RAB2A: variants seen among roughly 807,000 people sequenced by gnomAD.
RAB2A encodes the protein ras-related protein Rab-2A.
A neutral mutation model predicts 32.5 loss-of-function variants in RAB2A; 7 were observed. That is an observed-to-expected ratio of 0.22 (90% CI 0.12 to 0.40). The LOEUF (loss-of-function observed/expected upper bound fraction) is 0.40, where lower values mean the gene tolerates loss of function less well. Ranked by LOEUF, RAB2A falls within the 10% of genes least tolerant of loss-of-function variation. The pLI is 1.00. For synonymous variants in RAB2A, 79 were observed against 85.2 expected, an observed-to-expected ratio of 0.93 and a Z score of 0.40; for missense variants, 108 against 260.7, an observed-to-expected ratio of 0.41 and a Z score of 4.03.
intron 6 of RAB2A, among the ~76,000 whole-genome samples, chr8:60,596,186 A>T (rs1025334549): frequency 4.6e-5 from 7 of 152,274 alleles, no homozygotes; most frequent in Admixed American, 4.6e-4. Context: ...ACCTAAAACC[A>T]TAAAAACCCT....
intron 1 of RAB2A, among the ~76,000 whole-genome samples, chr8:60,520,037 G>T (rs1396964282): frequency 6.6e-6 from 1 of 152,154 alleles, no homozygotes. Context: ...TCAAAAACAT[G>T]CATCTTAGAA....
chr8:60,601,084 T>C (rs966427465), intron 6 of RAB2A, among the ~76,000 whole-genome samples: 4 of 152,230 alleles, frequency 2.6e-5, no homozygotes, highest in Non-Finnish European at 5.9e-5. Flanking sequence ...GTTTTAAAAA[T>C]GAGAATTCAT....
At chr8:60,608,388 A>G (rs1804272082) in intron 6 of RAB2A, among the ~76,000 whole-genome samples, 1 of 152,012 alleles carries the variant, frequency 6.6e-6, no homozygotes, top group South Asian at 2.1e-4. Flanking sequence ...ACTCTTCAGT[A>G]AACTTCTTTC....
At chr8:60,572,354 C>T (rs1216540223) in intron 3 of RAB2A, among the ~76,000 whole-genome samples, 2 of 151,916 alleles carry the variant, frequency 1.3e-5, no homozygotes, top group African/African-American at 4.8e-5. Flanking sequence ...GTTATGTGGT[C>T]TAAATTGAAA....
At chr8:60,524,748 A>G (rs935693889) in intron 1 of RAB2A, among the ~76,000 whole-genome samples, 6 of 152,218 alleles carry the variant, frequency 3.9e-5, no homozygotes, top group Non-Finnish European at 8.8e-5. Flanking sequence ...ATTTTTAAAA[A>G]GTATTGTTTG....
chr8:60,525,100 T>G (rs983031604), intron 1 of RAB2A, among the ~76,000 whole-genome samples: 1 of 152,236 alleles, frequency 6.6e-6, no homozygotes, highest in African/African-American at 2.4e-5. Flanking sequence ...GCAAATTATC[T>G]TAGTAGATGG....
chr8:60,548,763 G>C (rs1331487486), intron 1 of RAB2A, among the ~76,000 whole-genome samples: 1 of 143,604 alleles, frequency 7.0e-6, no homozygotes. Context: ...CTGGCCGGGC[G>C]GGGGGCTGAT....
intron 5 of RAB2A, among the ~76,000 whole-genome samples, chr8:60,587,980 T>G (rs1193585611): frequency 1.3e-5 from 2 of 152,212 alleles, no homozygotes; most frequent in African/African-American, 4.8e-5. Flanking sequence ...GATGGGAACG[T>G]AAAATGATAC....
intron 5 of RAB2A, among the ~76,000 whole-genome samples, chr8:60,586,965 C>A (rs1374203734): frequency 6.6e-6 from 1 of 150,396 alleles, no homozygotes; most frequent in Admixed American, 6.6e-5. Flanking sequence ...TTTATTGTAA[C>A]CCTAATCAAA....
intron 6 of RAB2A, among the ~76,000 whole-genome samples, chr8:60,617,541 CT>C (rs1442360246): frequency 6.6e-6 from 1 of 151,982 alleles, no homozygotes; most frequent in Non-Finnish European, 1.5e-5. Flanking sequence ...ATGATGTTTT[CT>C]TTTGAGATAT....
chr8:60,585,038 C>G lies in RAB2A; in HGVS notation c.362+223C>G, dbSNP rs948939679. On this transcript the variant is annotated intron_variant, in intron 5 of 7. Transcript: ENST00000262646. ...GAAATAGTTTTTGTGTAAAGAAATA[C>G]TTTAAAAAGTAATCTGAAGGAGTTT... is the stretch of plus-strand genomic sequence containing the variant. Among the ~76,000 whole-genome samples the G allele has an allele frequency of 5.9e-5, 9 of 152,242 alleles. 1 individual carries two copies. The East Asian group carries it at 7.7e-4, about 13-fold the overall frequency.
chr8:60,564,520 C>A (rs1808074643), intron 2 of RAB2A, among the ~76,000 whole-genome samples: 1 of 152,110 alleles, frequency 6.6e-6, no homozygotes, highest in Non-Finnish European at 1.5e-5. Context: ...ATTTTATGAA[C>A]CCATTCCACT....
intron 2 of RAB2A, among the ~76,000 whole-genome samples, chr8:60,565,309 C>T (rs1586085791): frequency 6.6e-6 from 1 of 151,038 alleles, no homozygotes; most frequent in East Asian, 2.0e-4. Context: ...GCCCCAGCTA[C>T]TTGGTAGACT....
intron 5 of RAB2A, among the ~76,000 whole-genome samples, chr8:60,587,148 A>G (rs1034301834): frequency 9.2e-5 from 14 of 152,182 alleles, no homozygotes; most frequent in South Asian, 4.1e-4. Flanking sequence ...TCAATTTACT[A>G]TTGTTTGGCA....
Position 60,591,855 on chromosome 8 carries a change from T to C in RAB2A, c.363-3T>C. 6.3e-7 allele frequency: 1 copy of C among 1,576,716 alleles called. No homozygotes were observed. Among genetic ancestry groups the C allele is most frequent in the Non-Finnish European group, 8.7e-7 (1 of 1,147,198 alleles). On this transcript the variant is annotated splice_region_variant and splice_polypyrimidine_tract_variant and intron_variant, in intron 5 of 7. Transcript: ENST00000262646. Reference sequence around the variant, plus strand: ...AATGTGACCCTTTCTTTCCCATGTTTAGTGATTTAGAATCTAGAAGAGAAG... The same window carrying C: ...AATGTGACCCTTTCTTTCCCATGTTCAGTGATTTAGAATCTAGAAGAGAAG...
chr8:60,558,724 C>G (rs1807974769), intron 1 of RAB2A, 128 bp from the exon 2 acceptor site: 10 of 766,952 alleles, frequency 1.3e-5, no homozygotes, highest in Non-Finnish European at 4.5e-6. Flanking sequence ...AATTAGAGTA[C>G]TGAGGAAATC....
At chr8:60,530,348 G>A (rs980915308) in intron 1 of RAB2A, among the ~76,000 whole-genome samples, 4 of 152,052 alleles carry the variant, frequency 2.6e-5, no homozygotes, top group Admixed American at 6.6e-5. Flanking sequence ...GTTTCAGCGC[G>A]TTGGCCAGGC....
At chr8:60,610,761 G>C (rs1489477896) in intron 6 of RAB2A, among the ~76,000 whole-genome samples, 1 of 152,162 alleles carries the variant, frequency 6.6e-6, no homozygotes, top group Non-Finnish European at 1.5e-5. Context: ...CTAAACCAGG[G>C]TGGCTAAACA....
intron 3 of RAB2A, among the ~76,000 whole-genome samples, chr8:60,575,115 T>TTTC (rs1808252748): frequency 1.4e-5 from 2 of 145,924 alleles, no homozygotes; most frequent in African/African-American, 5.0e-5. Flanking sequence ...TTTTTTGGTT[T>TTTC]TGAGACAGCG....
Sources: gnomAD v4.1 joint callset for allele counts (sites outside exome capture counted in the v4.1 genomes callset) on GRCh38, gnomAD v4.1.1 for gene constraint, MANE v1.5 for transcripts, NCBI Gene and HGNC (gene_info 2026-07-23, HGNC 2026-07-21) for gene names.